The following RFX7 variants were observed in gnomAD, a reference collection of about 807,000 sequenced individuals.
RFX7 encodes regulatory factor X7.
A neutral mutation model predicts 111.8 loss-of-function variants in RFX7; 26 were observed. That is an observed-to-expected ratio of 0.23 (90% CI 0.17 to 0.32). The LOEUF is 0.32. RFX7 is among the 10% of genes least tolerant of loss of function. The pLI is 1.00. For missense variants in RFX7, 1,573 were observed against 1,772.9 expected (o/e 0.89, Z 2.02); for synonymous variants, 624 against 624.4 (o/e 1.00, Z 0.01).
chr15:56,101,590 T>G (rs751528561), intron 7 of RFX7, 24 bp from the exon 8 acceptor site: 1 of 1,586,126 alleles, frequency 6.3e-7, no homozygotes, highest in Non-Finnish European at 8.7e-7. Flanking sequence ...AAAGGAAATG[T>G]TAACTTGTAA....
intron 5 of RFX7, among the ~76,000 whole-genome samples, chr15:56,139,778 G>T (rs2042361707): frequency 6.6e-6 from 1 of 151,890 alleles, no homozygotes; most frequent in Non-Finnish European, 1.5e-5. Context: ...TGATGGTGAT[G>T]TACAGATGGG....
chr15:56,217,594 T>A (rs1009750735), intron 2 of RFX7, among the ~76,000 whole-genome samples: 1 of 152,240 alleles, frequency 6.6e-6, no homozygotes, highest in Non-Finnish European at 1.5e-5. Flanking sequence ...AGACTTTATA[T>A]CCTTCATAAT....
At chr15:56,172,196 A>G (rs767938005) in intron 3 of RFX7, among the ~76,000 whole-genome samples, 3 of 152,160 alleles carry the variant, frequency 2.0e-5, no homozygotes, top group Non-Finnish European at 4.4e-5. Flanking sequence ...GGTATCCTTT[A>G]TAAAAGTTTC....
chr15:56,101,804 A>G (rs140989376), intron 7 of RFX7, among the ~76,000 whole-genome samples: 1 of 152,330 alleles, frequency 6.6e-6, no homozygotes, highest in Non-Finnish European at 1.5e-5. Flanking sequence ...TAAACATACA[A>G]GAAGACTGAT....
intron 2 of RFX7, among the ~76,000 whole-genome samples, chr15:56,216,762 G>C (rs538322803): frequency 1.3e-5 from 2 of 152,228 alleles, no homozygotes; most frequent in East Asian, 3.9e-4. Context: ...AAGTTCTGAT[G>C]TGGAATCTTT....
chr15:56,218,669 C>T (rs967033419), intron 2 of RFX7, among the ~76,000 whole-genome samples: 3 of 152,078 alleles, frequency 2.0e-5, no homozygotes, highest in Admixed American at 6.6e-5. Flanking sequence ...GCATGTGTAG[C>T]GAGCAACAAA....
intron 3 of RFX7, among the ~76,000 whole-genome samples, chr15:56,169,398 T>C (rs939843509): frequency 6.6e-6 from 1 of 152,244 alleles, no homozygotes; most frequent in Non-Finnish European, 1.5e-5. Context: ...TGTTTAGACT[T>C]AGAAACATAT....
chr15:56,119,893 T>G (rs2042054473), intron 5 of RFX7, among the ~76,000 whole-genome samples: 1 of 152,164 alleles, frequency 6.6e-6, no homozygotes, highest in African/African-American at 2.4e-5. Flanking sequence ...GCCAGTACCA[T>G]GCTGTTTTGG....
chr15:56,221,419 A>G (rs1232016669), intron 2 of RFX7, among the ~76,000 whole-genome samples: 1 of 152,144 alleles, frequency 6.6e-6, no homozygotes, highest in African/African-American at 2.4e-5. Context: ...TTCTTAGGTT[A>G]TATTTATTCC....
chr15:56,176,272 A>G (rs1377581769), intron 3 of RFX7, among the ~76,000 whole-genome samples: 1 of 152,190 alleles, frequency 6.6e-6, no homozygotes, highest in African/African-American at 2.4e-5. Context: ...GTATTTGGAA[A>G]GATAATGGCT....
At chr15:56,197,183 C>T (rs2043153006) in intron 2 of RFX7, among the ~76,000 whole-genome samples, 1 of 151,932 alleles carries the variant, frequency 6.6e-6, no homozygotes, top group Non-Finnish European at 1.5e-5. Flanking sequence ...TGTGAATTGC[C>T]TACTCATATC....
intron 5 of RFX7, among the ~76,000 whole-genome samples, chr15:56,118,481 A>G (rs1375088875): frequency 1.3e-5 from 2 of 152,236 alleles, no homozygotes; most frequent in African/African-American, 4.8e-5. Context: ...CACTCAACAT[A>G]GTGACCTCCA....
chr15:56,204,032 T>C (rs1209128478), intron 2 of RFX7, among the ~76,000 whole-genome samples: 1 of 150,514 alleles, frequency 6.6e-6, no homozygotes, highest in Non-Finnish European at 1.5e-5. Flanking sequence ...TTTTTTTTTT[T>C]TTTTTGAGAT....
intron 8 of RFX7, among the ~76,000 whole-genome samples, chr15:56,098,704 CA>C (rs1264515031): frequency 6.6e-6 from 1 of 152,208 alleles, no homozygotes; most frequent in African/African-American, 2.4e-5. Context: ...AATGCCAACA[CA>C]GCATTTTTAC....
intron 2 of RFX7, among the ~76,000 whole-genome samples, chr15:56,188,124 TG>T (rs1660797032): frequency 6.6e-6 from 1 of 152,056 alleles, no homozygotes; most frequent in Non-Finnish European, 1.5e-5. Flanking sequence ...ATGGAAGTTA[TG>T]AAAAAAACCA....
intron 5 of RFX7, among the ~76,000 whole-genome samples, chr15:56,106,702 G>C (rs2041834705): frequency 1.3e-5 from 2 of 152,022 alleles, no homozygotes; most frequent in African/African-American, 4.8e-5. Flanking sequence ...AATTTCAATA[G>C]GACACCTTTC....
chr15:56,183,533 G>A (rs941982862), intron 2 of RFX7, among the ~76,000 whole-genome samples: 3 of 152,202 alleles, frequency 2.0e-5, no homozygotes, highest in African/African-American at 7.2e-5. Flanking sequence ...GTACACGCTT[G>A]AATCTTTTTC....
At chr15:56,129,104 A>G (rs878946217) in intron 5 of RFX7, among the ~76,000 whole-genome samples, 1 of 152,188 alleles carries the variant, frequency 6.6e-6, no homozygotes, top group African/African-American at 2.4e-5. Flanking sequence ...GACCAGGCAC[A>G]ATGGCTCACG....
intron 2 of RFX7, 83 bp downstream of exon 2, chr15:56,243,042 T>TA: frequency 2.9e-5 from 16 of 543,102 alleles, no homozygotes; most frequent in Non-Finnish European, 4.3e-5. Context: ...CCTCCTCCGC[T>TA]CCCCCCGCCC....
Sources: gnomAD v4.1 joint callset for allele counts (sites outside exome capture counted in the v4.1 genomes callset) on GRCh38, gnomAD v4.1.1 for gene constraint, MANE v1.5 for transcripts, NCBI Gene and HGNC (gene_info 2026-07-23, HGNC 2026-07-21) for gene names.